Variants in ZNF624 observed in about 807,000 individuals in gnomAD.
ZNF624 encodes the protein zinc finger protein 624.
Under a neutral mutation model 74.7 loss-of-function variants are expected in ZNF624, and 43 were observed. The ratio of observed to expected loss-of-function variants is 0.58; its 90% CI spans 0.45 to 0.74. The LOEUF (loss-of-function observed/expected upper bound fraction) is 0.74, where lower values mean the gene tolerates loss of function less well. ZNF624 is among the 30% of genes least tolerant of loss of function. ZNF624 has a pLI of 0.00. For synonymous variants in ZNF624, 331 were observed against 341.3 expected (o/e 0.97, Z 0.33); for missense variants, 820 against 1,030.0 (o/e 0.80, Z 2.79).
downstream of ZNF624, among the ~76,000 whole-genome samples, chr17:16,619,124 A>G (rs903176968): frequency 6.6e-6 from 1 of 152,216 alleles, no homozygotes; most frequent in African/African-American, 2.4e-5. Flanking sequence ...CTGCAAAACA[A>G]GGGAGAGAGA....
downstream of ZNF624, among the ~76,000 whole-genome samples, chr17:16,619,596 T>C (rs1486932394): frequency 1.3e-5 from 2 of 152,234 alleles, no homozygotes. Flanking sequence ...CTCAACAGCA[T>C]TATCCACTGA....
At chr17:16,639,426 C>G (rs537654610) in intron 3 of ZNF624, among the ~76,000 whole-genome samples, 41 of 152,246 alleles carry the variant, frequency 2.7e-4, no homozygotes, top group African/African-American at 9.6e-4. Context: ...TTGTTAATCA[C>G]TTGACATGTG....
intron 4 of ZNF624, among the ~76,000 whole-genome samples, 166 bp from the exon 5 acceptor site, chr17:16,634,123 G>C (rs79763596): frequency 2.0e-3 from 300 of 152,176 alleles, no homozygotes; most frequent in African/African-American, 6.6e-3. Context: ...ATTTAAATTT[G>C]AATTTAAATA....
chr17:16,631,439 A>G (rs1162218251), intron 5 of ZNF624: 1 of 152,226 alleles, frequency 6.6e-6, no homozygotes, highest in Admixed American at 6.5e-5. Flanking sequence ...TTAAAAGCCA[A>G]GTAATGTCAG....
downstream of ZNF624, among the ~76,000 whole-genome samples, chr17:16,616,203 C>T (rs1259261074): frequency 5.3e-5 from 8 of 150,796 alleles, no homozygotes; most frequent in Admixed American, 1.3e-4. Flanking sequence ...AAGACTTTGG[C>T]AAATTTGATT....
Position 16,623,146 on chromosome 17 carries a change from T to C in ZNF624, c.1740A>G (p.Glu580=). Residue 580 remains glutamate (E), a synonymous_variant, in exon 6 of 6, where the codon GAA becomes GAG. Coordinates refer to ENST00000311331, the MANE Select transcript of ZNF624 (RefSeq NM_020787.4). The surrounding 1 kb of genome is among the most constrained non-coding windows in gnomAD (Gnocchi z 5.3). ...SLIIHQRIHT[E]EKPYLCNECG... ...ATTCATTGCACAGATAAGGTTTCTC[T>C]TCAGTATGAATACGCTGATGTATAA... is the stretch of plus-strand genomic sequence containing the variant. The C allele has an allele frequency of 6.2e-7, 1 of 1,614,018 alleles. No homozygotes were observed. Among genetic ancestry groups the C allele is most frequent in the Non-Finnish European group, 8.5e-7 (1 of 1,179,954 alleles).
At chr17:16,640,306 C>CA (rs1380471003) in intron 3 of ZNF624, among the ~76,000 whole-genome samples, 1 of 151,444 alleles carries the variant, frequency 6.6e-6, no homozygotes, top group African/African-American at 2.4e-5. Flanking sequence ...AAAATGCCTA[C>CA]AATTTAAAAA....
chr17:16,635,281 A>C lies in ZNF624; in HGVS notation c.154-525T>G, dbSNP rs548112313. On this transcript the variant is annotated intron_variant, in intron 3 of 5. Transcript: ENST00000311331. ...TGAAAAAGAAAAATAAAAAAAATCG[A>C]GGAACTTTGGGTAAGTTCTTTGGTC... Among the ~76,000 whole-genome samples, 42 of 152,306 alleles carry C rather than the reference A, an allele frequency of 2.8e-4. 1 individual carries two copies. Among genetic ancestry groups the C allele is most frequent in the African/African-American group, 1.0e-3 (42 of 41,574 alleles).
At position 16,624,495 on chromosome 17, in the gene ZNF624, G is replaced by C. The variant is rs760378916; in HGVS notation, c.391C>G (p.Pro131Ala). 6.4e-7 allele frequency: 1 copy of C among 1,563,846 alleles called. No individual in the cohort carries two copies. The highest frequency in any genetic ancestry group is 1.4e-5 in the African/African-American group (1 of 72,346). ...GTTCGTGTAGCCTTCTTGGTTGCAG[G>C]TTTGGGCTCCATGTCTGGGGCAAAA... The part of the protein sequence containing the change: ...RIPYPDMEPK[P>A]ATKKATRTKA... The change falls in exon 6 of 6, where the codon CCT (proline) becomes GCT (alanine). Residue 131 changes from proline (P) to alanine (A), a missense_variant. Physicochemically the swap from Pro to Ala is conservative, Grantham distance 27. Coordinates refer to ENST00000311331, the MANE Select transcript of ZNF624 (RefSeq NM_020787.4).
chr17:16,614,979 T>G, the ZNF624 span, among the ~76,000 whole-genome samples: 14 of 152,198 alleles, frequency 9.2e-5, no homozygotes, highest in African/African-American at 2.4e-5. Context: ...TGATTCTACT[T>G]ATATGAGGTT....
intron 5 of ZNF624, among the ~76,000 whole-genome samples, chr17:16,626,059 T>TAA (rs1909064583): frequency 6.6e-6 from 1 of 152,128 alleles, no homozygotes; most frequent in Admixed American, 6.5e-5. Flanking sequence ...AAGTGATTCT[T>TAA]GTGCTTCAGC....
In ZNF624 at chr17:16,621,217, A is replaced by C. The variant is rs1908903371; in HGVS notation, c.*1071T>G. ...TACATTGAAATCAGCTAGCATAGATATAAGTCGTTTTTAAAATTACTCTCA... is the reference window on the plus strand; with the variant it reads ...TACATTGAAATCAGCTAGCATAGATCTAAGTCGTTTTTAAAATTACTCTCA... On this transcript the variant is annotated 3_prime_UTR_variant, in exon 6 of 6. Transcript: ENST00000311331. 1 of 152,278 alleles carries C rather than the reference A, an allele frequency of 6.6e-6. No homozygotes were observed. The highest frequency in any genetic ancestry group is 1.5e-5 in the Non-Finnish European group (1 of 68,048). 9.4% of individuals were successfully genotyped at this position (152,278 alleles called of 1,614,324 possible).
chr17:16,617,130 G>A (rs1908807539), downstream of ZNF624: 2 of 1,612,988 alleles, frequency 1.2e-6, no homozygotes, highest in African/African-American at 1.3e-5. Flanking sequence ...GATCAGACTT[G>A]GGCTTAGATT....
rs772509639 is a variant in ZNF624 at position 16,624,266 on chromosome 17, G to A, written c.620C>T (p.Ser207Phe). 1 of 1,614,156 alleles carries A rather than the reference G, an allele frequency of 6.2e-7. No homozygotes were observed. The highest frequency in any genetic ancestry group is 1.1e-5 in the South Asian group (1 of 91,062). The change falls in exon 6 of 6, where the codon TCT becomes TTT. Residue 207 changes from serine (S) to phenylalanine (F), a missense_variant. Transcript: ENST00000311331. ...PTSQRGFRFE[S>F]ILIPEPGIAT... ...AATGCCTGGTTCTGGAATAAGAATA[G>A]ATTCAAATCTAAAGCCTCTTTGACT...
intron 1 of ZNF624, among the ~76,000 whole-genome samples, chr17:16,653,293 C>T (rs562563937): frequency 6.6e-6 from 1 of 151,944 alleles, no homozygotes; most frequent in East Asian, 1.9e-4. Flanking sequence ...AGTTCCATCC[C>T]TGCCAGTTCA....
At chr17:16,652,748 G>C (rs909087330) in intron 1 of ZNF624, among the ~76,000 whole-genome samples, 2 of 152,124 alleles carry the variant, frequency 1.3e-5, no homozygotes, top group Non-Finnish European at 2.9e-5. Context: ...AAGCAGACAA[G>C]AAGAAGTATC....
Position 16,647,392 on chromosome 17 carries a change from G to GC in ZNF624, c.89dup (p.Ser30ArgfsTer3). On this transcript the variant is annotated frameshift_variant and splice_region_variant, in exon 3 of 6. Transcript: ENST00000311331. LOFTEE classifies it high-confidence loss of function. Reference sequence around the variant, plus strand: ...CTTCATCTGGCTGGGTAACTTCAGGGCTCTGATGGGATACAGGATAAGATC... The same window carrying GC: ...CTTCATCTGGCTGGGTAACTTCAGGGCCTCTGATGGGATACAGGATAAGATC... 1 of 1,613,974 alleles carries GC rather than the reference G, an allele frequency of 6.2e-7. No individual in the cohort carries two copies. Among genetic ancestry groups the GC allele is most frequent in the Non-Finnish European group, 8.5e-7 (1 of 1,179,886 alleles).
At chr17:16,648,208 T>A (rs1358562123) in intron 2 of ZNF624, among the ~76,000 whole-genome samples, 2 of 152,004 alleles carry the variant, frequency 1.3e-5, no homozygotes, top group African/African-American at 4.8e-5. Context: ...CCTCCCAAAG[T>A]GCTAGGATTG....
At chr17:16,649,585 C>T (rs1202416650) in intron 2 of ZNF624, 73 bp downstream of exon 2, 10 of 1,382,132 alleles carry the variant, frequency 7.2e-6, no homozygotes, top group African/African-American at 5.7e-5. Context: ...GTAGAGAAGT[C>T]GCAAGCCTTC....
Sources: allele counts gnomAD v4.1 joint callset (sites outside exome capture counted in the v4.1 genomes callset), GRCh38; gene constraint gnomAD v4.1.1; non-coding constraint Gnocchi (gnomAD v3.1); transcripts MANE v1.5; gene names NCBI Gene and HGNC (gene_info 2026-07-23, HGNC 2026-07-21).